SLC25A21: variants seen among roughly 807,000 people sequenced by gnomAD.
The protein encoded by SLC25A21 is mitochondrial 2-oxodicarboxylate carrier.
SLC25A21 carries 47 observed loss-of-function variants against 43.8 expected under a neutral mutation model. The ratio of observed to expected loss-of-function variants is 1.07; its 90% CI spans 0.85 to 1.37. The LOEUF (loss-of-function observed/expected upper bound fraction) is 1.37, where lower values mean the gene tolerates loss of function less well. SLC25A21 is among the 40% of genes most tolerant of loss of function. The pLI, the probability that SLC25A21 is intolerant of heterozygous loss-of-function variation, is 0.00. For missense variants in SLC25A21, 352 were observed against 350.2 expected, an observed-to-expected ratio of 1.00 and a Z score of -0.04; for synonymous variants, 131 against 121.3, an observed-to-expected ratio of 1.08 and a Z score of -0.52.
chr14:36,723,135 T>C (rs1047043309), intron 6 of SLC25A21, among the ~76,000 whole-genome samples: 4 of 152,332 alleles, frequency 2.6e-5, no homozygotes, highest in South Asian at 2.1e-4. Context: ...GAGTCCTAGA[T>C]AAAAGACCTA....
chr14:36,720,045 A>AGG (rs768219219), intron 6 of SLC25A21, among the ~76,000 whole-genome samples: 3 of 152,150 alleles, frequency 2.0e-5, no homozygotes, highest in Non-Finnish European at 4.4e-5. Flanking sequence ...TGTGCTTCAG[A>AGG]GGGCACCATT....
intron 1 of SLC25A21, among the ~76,000 whole-genome samples, chr14:37,013,645 T>C (rs1406077810): frequency 1.3e-5 from 2 of 152,150 alleles, no homozygotes; most frequent in Non-Finnish European, 2.9e-5. Context: ...CAACTGGTGA[T>C]TTTTTTGTAA....
chr14:37,036,196 A>AT (rs150443317), intron 1 of SLC25A21, among the ~76,000 whole-genome samples: 10,920 of 151,658 alleles, frequency 0.072, 848 homozygotes, highest in African/African-American at 0.19. Context: ...AATGCCAGAG[A>AT]TTTTTTTTTC....
At chr14:36,724,177 C>T (rs1884490185) in intron 6 of SLC25A21, among the ~76,000 whole-genome samples, 1 of 152,082 alleles carries the variant, frequency 6.6e-6, no homozygotes, top group Admixed American at 6.5e-5. Flanking sequence ...TTATAAGATG[C>T]TATATATTAC....
chr14:36,767,003 T>C (rs1333241043), intron 3 of SLC25A21, among the ~76,000 whole-genome samples: 2 of 152,222 alleles, frequency 1.3e-5, no homozygotes, highest in Non-Finnish European at 2.9e-5. Context: ...CATGACCATA[T>C]ACCACCATTA....
intron 1 of SLC25A21, among the ~76,000 whole-genome samples, chr14:37,123,524 A>G (rs1963247127): frequency 1.3e-5 from 2 of 152,358 alleles, no homozygotes; most frequent in African/African-American, 4.8e-5. Context: ...CATTGTTGTA[A>G]ACAGTAAAAA....
chr14:37,020,446 CT>C (rs535616394), intron 1 of SLC25A21, among the ~76,000 whole-genome samples: 84 of 145,790 alleles, frequency 5.8e-4, no homozygotes, highest in East Asian at 2.4e-3. Flanking sequence ...GAAAAAGTCA[CT>C]TTTTTTTTTT....
chr14:36,831,267 A>T (rs1440585550), intron 2 of SLC25A21, among the ~76,000 whole-genome samples: 1 of 152,208 alleles, frequency 6.6e-6, no homozygotes, highest in African/African-American at 2.4e-5. Flanking sequence ...AAAGAAGGAT[A>T]AAGTATTTTT....
At chr14:36,853,820 C>T (rs1652509428) in intron 2 of SLC25A21, among the ~76,000 whole-genome samples, 1 of 152,200 alleles carries the variant, frequency 6.6e-6, no homozygotes, top group Non-Finnish European at 1.5e-5. Context: ...TGAGACCCTC[C>T]AACAAACACT....
At chr14:36,862,778 T>C (rs1024789076) in intron 2 of SLC25A21, among the ~76,000 whole-genome samples, 2 of 152,160 alleles carry the variant, frequency 1.3e-5, no homozygotes, top group African/African-American at 4.8e-5. Context: ...GGAGATTATC[T>C]GAGAAAAGTT....
chr14:36,821,273 CTGGGGACTG>C (rs1055489651), intron 2 of SLC25A21, among the ~76,000 whole-genome samples: 1 of 152,002 alleles, frequency 6.6e-6, no homozygotes, highest in Non-Finnish European at 1.5e-5. Context: ...GAGATAACCA[CTGGGGACTG>C]TGCCTTTCTC....
At chr14:36,861,712 T>C (rs1053336482) in intron 2 of SLC25A21, among the ~76,000 whole-genome samples, 4 of 152,326 alleles carry the variant, frequency 2.6e-5, no homozygotes, top group African/African-American at 7.2e-5. Context: ...ACTGTTACAA[T>C]AGCAAAATAA....
At chr14:36,792,827 T>G (rs549313792) in intron 3 of SLC25A21, among the ~76,000 whole-genome samples, 2 of 152,190 alleles carry the variant, frequency 1.3e-5, no homozygotes, top group African/African-American at 2.4e-5. Flanking sequence ...TTGGGTATCA[T>G]GCATTCTGAA....
At chr14:36,844,339 C>G (rs901539187) in intron 2 of SLC25A21, among the ~76,000 whole-genome samples, 1 of 152,192 alleles carries the variant, frequency 6.6e-6, no homozygotes, top group African/African-American at 2.4e-5. Context: ...CTCCTGGTAA[C>G]GTGCTGGCAC....
At chr14:36,753,194 A>G (rs1015797126) in intron 3 of SLC25A21, among the ~76,000 whole-genome samples, 17 of 152,196 alleles carry the variant, frequency 1.1e-4, no homozygotes, top group African/African-American at 3.9e-4. Flanking sequence ...ACTGAAGTGT[A>G]TACTTAAAAT....
In SLC25A21 at chr14:36,816,265, C is replaced by T. The variant is rs550532171; in HGVS notation, c.120-2264G>A. 4.2e-4 allele frequency among the ~76,000 whole-genome samples: 64 copies of T among 152,194 alleles called. 1 individual carries two copies. In the Middle Eastern group the frequency reaches 0.01, roughly 24 times the overall value. ...GAGAAGTGGGAGTTCAGTCTTCCAG[C>T]AGAGTTCTTTGCAATAAAAATCTCT... On this transcript the variant is annotated intron_variant, in intron 2 of 9. Coordinates refer to ENST00000331299, the MANE Select transcript of SLC25A21 (RefSeq NM_030631.4).
At chr14:37,100,423 C>T (rs554355828) in intron 1 of SLC25A21, among the ~76,000 whole-genome samples, 1 of 152,294 alleles carries the variant, frequency 6.6e-6, no homozygotes, top group African/African-American at 2.4e-5. Context: ...CCACTTAACA[C>T]ACTTCAATAT....
chr14:36,912,688 AG>A lies in SLC25A21; in HGVS notation c.71-37685del, dbSNP rs1594688114. The stretch of plus-strand genomic sequence containing the variant: ...TATAAAGTTCTTTCACGTGGGTAAA[AG>A]TTTGCCCAAGTGTTAGACTTGCCAA... On this transcript the variant is annotated intron_variant, in intron 1 of 9. Coordinates refer to ENST00000331299, the MANE Select transcript of SLC25A21 (RefSeq NM_030631.4). Among the ~76,000 whole-genome samples, 3 of 152,196 alleles carry A rather than the reference AG, an allele frequency of 2.0e-5. No homozygotes were observed. The East Asian group carries it at 5.8e-4, about 29-fold the overall frequency.
chr14:36,953,136 C>T (rs189918288), intron 1 of SLC25A21, among the ~76,000 whole-genome samples: 35 of 152,208 alleles, frequency 2.3e-4, no homozygotes, highest in Non-Finnish European at 3.7e-4. Flanking sequence ...ATTTAGTTAA[C>T]GATAACAAGA....
Sources: gnomAD v4.1 joint callset for allele counts (sites outside exome capture counted in the v4.1 genomes callset) on GRCh38, gnomAD v4.1.1 for gene constraint, MANE v1.5 for transcripts, NCBI Gene and HGNC (gene_info 2026-07-23, HGNC 2026-07-21) for gene names.